CAMK2D: variants seen among roughly 807,000 people sequenced by gnomAD.
CAMK2D encodes the protein calcium/calmodulin-dependent protein kinase type II subunit delta.
A neutral mutation model predicts 84.0 loss-of-function variants in CAMK2D; 37 were observed. The observed-to-expected ratio is 0.44, with a 90% CI of 0.34 to 0.58. CAMK2D has a LOEUF of 0.58. CAMK2D is among the 20% of genes least tolerant of loss of function. The pLI is 0.02. For missense variants in CAMK2D, 448 were observed against 652.5 expected (o/e 0.69, Z 3.41); for synonymous variants, 202 against 212.5 (o/e 0.95, Z 0.43).
intron 4 of CAMK2D, among the ~76,000 whole-genome samples, chr4:113,581,513 T>TAAAAA (rs777730996): frequency 1.8e-4 from 6 of 34,234 alleles, no homozygotes; most frequent in African/African-American, 3.7e-4. Flanking sequence ...AACTTTCTCA[T>TAAAAA]AAAAAAAAAA....
At chr4:113,695,469 T>G (rs1455589439) in intron 2 of CAMK2D, among the ~76,000 whole-genome samples, 1 of 152,068 alleles carries the variant, frequency 6.6e-6, no homozygotes, top group Non-Finnish European at 1.5e-5. Context: ...TCTTGTTCCT[T>G]CCCACCAAAC....
In CAMK2D at chr4:113,562,473, C is replaced by T. The variant is rs575711969; in HGVS notation, c.276-10377G>A. ...GTATTTGTGTGTTACTTATACTACA[C>T]TATCTTCTTAAAGGGATTTGAGACA... On this transcript the variant is annotated intron_variant, in intron 4 of 20. Transcript: ENST00000511664. 9.7e-4 allele frequency among the ~76,000 whole-genome samples: 147 copies of T among 152,278 alleles called. 1 individual carries two copies. The highest frequency in any genetic ancestry group is 3.4e-3 in the African/African-American group (142 of 41,570).
intron 4 of CAMK2D, among the ~76,000 whole-genome samples, chr4:113,603,693 T>C (rs1261232331): frequency 6.8e-6 from 1 of 147,722 alleles, no homozygotes; most frequent in Non-Finnish European, 1.5e-5. Flanking sequence ...TAGCAAGAAA[T>C]ATATATATTT....
rs140077563 is a variant in CAMK2D, at chr4:113,621,963, G to A, written c.221-12757C>T. On this transcript the variant is annotated intron_variant, in intron 3 of 20. Coordinates refer to ENST00000511664, the MANE Select transcript of CAMK2D (RefSeq NM_001321571.2). ...ACTACGAAATGTCTTCATCTATATG[G>A]GGCTACTAAATCAACAGTCTTTATC... is the stretch of plus-strand genomic sequence containing the variant. Among the ~76,000 whole-genome samples the A allele has an allele frequency of 2.9e-3, 447 of 152,148 alleles. 3 individuals are homozygous for A. The highest frequency in any genetic ancestry group is 9.9e-3 in the African/African-American group (410 of 41,510).
At chr4:113,653,391 T>C (rs1255257074) in intron 3 of CAMK2D, among the ~76,000 whole-genome samples, 2 of 152,072 alleles carry the variant, frequency 1.3e-5, no homozygotes, top group Admixed American at 6.6e-5. Context: ...TAAGATAATT[T>C]GCTTTTTGCT....
chr4:113,620,609 G>C (rs1008022682), intron 3 of CAMK2D, among the ~76,000 whole-genome samples: 5 of 151,444 alleles, frequency 3.3e-5, no homozygotes, highest in African/African-American at 1.2e-4. Context: ...CCAGGTTCAA[G>C]CAATTCTCCT....
intron 8 of CAMK2D, among the ~76,000 whole-genome samples, chr4:113,522,843 G>A (rs2098379758): frequency 6.6e-6 from 1 of 152,196 alleles, no homozygotes; most frequent in Admixed American, 6.5e-5. Context: ...GTCTGACTAA[G>A]ACAGCAGACT....
intron 2 of CAMK2D, 162 bp downstream of exon 2, chr4:113,759,158 T>C: frequency 2.3e-6 from 1 of 435,880 alleles, no homozygotes; most frequent in Non-Finnish European, 4.1e-6. Flanking sequence ...TTTTAAGCTG[T>C]ACAGACCAAG....
intron 16 of CAMK2D, among the ~76,000 whole-genome samples, chr4:113,486,619 T>C (rs1020195173): frequency 6.6e-5 from 10 of 152,232 alleles, no homozygotes; most frequent in Admixed American, 2.0e-4. Context: ...ATATTAAGCC[T>C]GAATCCTTGG....
At chr4:113,638,865 A>T (rs2099120507) in intron 3 of CAMK2D, among the ~76,000 whole-genome samples, 1 of 152,284 alleles carries the variant, frequency 6.6e-6, no homozygotes, top group African/African-American at 2.4e-5. Flanking sequence ...AAGTTTATTT[A>T]AAAGTGAATG....
In CAMK2D at chr4:113,723,136, T is replaced by A. The variant is rs115699792; in HGVS notation, c.160+36184A>T. On this transcript the variant is annotated intron_variant, in intron 2 of 20. Transcript: ENST00000511664. ...TTTTGAGTTTCAAAAAAATTACAAT[T>A]GCTTTATTACTTTATTAATCATTAA... 5.5e-3 allele frequency among the ~76,000 whole-genome samples: 831 copies of A among 152,270 alleles called. 12 individuals are homozygous for A. Among genetic ancestry groups the A allele is most frequent in the African/African-American group, 0.019 (798 of 41,560 alleles).
chr4:113,589,320 G>C (rs1286400058), intron 4 of CAMK2D, among the ~76,000 whole-genome samples: 1 of 152,128 alleles, frequency 6.6e-6, no homozygotes, highest in Non-Finnish European at 1.5e-5. Context: ...TAATGGTTTT[G>C]GCCAAGGGGG....
At chr4:113,585,374 CAT>C (rs2098828982) in intron 4 of CAMK2D, among the ~76,000 whole-genome samples, 1 of 152,120 alleles carries the variant, frequency 6.6e-6, no homozygotes, top group Admixed American at 6.5e-5. Context: ...TCCCCAGCCT[CAT>C]GTGTGTGCAC....
At chr4:113,708,932 G>T (rs923309170) in intron 2 of CAMK2D, among the ~76,000 whole-genome samples, 1 of 152,048 alleles carries the variant, frequency 6.6e-6, no homozygotes, top group African/African-American at 2.4e-5. Flanking sequence ...ATGTTGGCCA[G>T]GCTGGTCTTG....
chr4:113,547,258 A>G (rs537610035), intron 6 of CAMK2D, among the ~76,000 whole-genome samples: 181 of 152,298 alleles, frequency 1.2e-3, no homozygotes, highest in African/African-American at 4.2e-3. Context: ...AATTTTACTA[A>G]GTATTTACAT....
At chr4:113,574,180 C>T (rs1179029853) in intron 4 of CAMK2D, among the ~76,000 whole-genome samples, 1 of 152,166 alleles carries the variant, frequency 6.6e-6, no homozygotes, top group Non-Finnish European at 1.5e-5. Context: ...TACTCCTGGA[C>T]CTGATCCCCT....
At chr4:113,558,124 T>C (rs944961953) in intron 4 of CAMK2D, among the ~76,000 whole-genome samples, 3 of 152,106 alleles carry the variant, frequency 2.0e-5, no homozygotes, top group African/African-American at 4.8e-5. Flanking sequence ...TAATCTCCCA[T>C]TAAAGTAGTG....
At chr4:113,695,904 G>C (rs1456183236) in intron 2 of CAMK2D, among the ~76,000 whole-genome samples, 1 of 152,000 alleles carries the variant, frequency 6.6e-6, no homozygotes, top group Non-Finnish European at 1.5e-5. Flanking sequence ...TGCTATGTAT[G>C]AGCTGTGCCC....
intron 3 of CAMK2D, 130 bp from the exon 4 acceptor site, chr4:113,609,336 C>G: frequency 4.9e-6 from 3 of 612,406 alleles, no homozygotes; most frequent in Admixed American, 2.6e-5. Flanking sequence ...GCCTTTGATA[C>G]GTCCGTATCT....
Sources: allele counts gnomAD v4.1 joint callset (sites outside exome capture counted in the v4.1 genomes callset), GRCh38; gene constraint gnomAD v4.1.1; transcripts MANE v1.5; gene names NCBI Gene and HGNC (gene_info 2026-07-23, HGNC 2026-07-21).